Variants in NFX1 observed in about 807,000 individuals in gnomAD.
NFX1 encodes transcriptional repressor NF-X1.
A neutral mutation model predicts 137.2 loss-of-function variants in NFX1; 69 were observed. The ratio of observed to expected loss-of-function variants is 0.50; its 90% CI spans 0.41 to 0.61. The LOEUF (loss-of-function observed/expected upper bound fraction) is 0.61, where lower values mean the gene tolerates loss of function less well. Ranked by LOEUF, NFX1 falls within the 20% of genes least tolerant of loss-of-function variation. The pLI, the probability that NFX1 is intolerant of heterozygous loss-of-function variation, is 0.00. For missense variants in NFX1, 1,167 were observed against 1,391.0 expected (o/e 0.84, Z 2.56); for synonymous variants, 495 against 474.1 (o/e 1.04, Z -0.57).
intron 5 of NFX1, among the ~76,000 whole-genome samples, chr9:33,308,508 A>T (rs957195519): frequency 3.3e-5 from 5 of 152,228 alleles, no homozygotes; most frequent in Non-Finnish European, 5.9e-5. Context: ...AAAAATGCAC[A>T]GTAATAGAAA....
intron 15 of NFX1, chr9:33,347,718 T>TA: frequency 4.6e-6 from 2 of 436,596 alleles, no homozygotes; most frequent in Non-Finnish European, 9.2e-6. Flanking sequence ...ATGAAAAAGA[T>TA]ACCTGCACAC....
At chr9:33,338,040 C>T (rs1474967494) in intron 11 of NFX1, among the ~76,000 whole-genome samples, 1 of 150,058 alleles carries the variant, frequency 6.7e-6, no homozygotes, top group Non-Finnish European at 1.5e-5. Flanking sequence ...CAGAGTGAGA[C>T]CCTGTCTCAG....
chr9:33,338,379 A>G, intron 11 of NFX1, 131 bp from the exon 12 acceptor site: 1 of 830,302 alleles, frequency 1.2e-6, no homozygotes, highest in South Asian at 1.6e-5. Flanking sequence ...AACAAAAAAA[A>G]CTGCATTTAC....
In NFX1 at chr9:33,318,920, T is replaced by C; in HGVS notation, c.1699T>C (p.Cys567Arg). Residue 567 changes from cysteine (C) to arginine (R), a missense_variant, in exon 9 of 24, where the codon TGC becomes CGC. Physicochemically the swap from Cys to Arg is radical, Grantham distance 180 (BLOSUM62 -3). Coordinates refer to ENST00000379540, the MANE Select transcript of NFX1 (RefSeq NM_002504.6). Reference protein sequence around the residue: ...CLKICGKDLKCGNHTCSQVCH... With the variant: ...CLKICGKDLKRGNHTCSQVCH... ...GTGTTTTCTTAACAGGGACTTGAAA[T>C]GCGGTAACCATACATGTTCGCAAGT... 1 of 1,614,250 alleles carries C rather than the reference T, an allele frequency of 6.2e-7. No homozygotes were observed. Among genetic ancestry groups the C allele is most frequent in the Non-Finnish European group, 8.5e-7 (1 of 1,180,048 alleles).
intron 10 of NFX1, 39 bp from the exon 11 acceptor site, chr9:33,332,433 T>A (rs955088172): frequency 6.4e-7 from 1 of 1,562,962 alleles, no homozygotes; most frequent in Non-Finnish European, 8.8e-7. Flanking sequence ...ATTTTAGTTA[T>A]TCCTAAAGTA....
chr9:33,306,557 T>C (rs1332491605), intron 4 of NFX1, among the ~76,000 whole-genome samples: 1 of 152,168 alleles, frequency 6.6e-6, no homozygotes, highest in Non-Finnish European at 1.5e-5. Context: ...TGGGGATGGC[T>C]GCAATTTAGT....
At chr9:33,307,961 G>A (rs1444497150) in intron 5 of NFX1, among the ~76,000 whole-genome samples, 5 of 151,128 alleles carry the variant, frequency 3.3e-5, no homozygotes, top group Non-Finnish European at 7.4e-5. Flanking sequence ...GTGCCACCAC[G>A]CCTGGCTAAT....
intron 6 of NFX1, among the ~76,000 whole-genome samples, chr9:33,312,305 C>T (rs1030334392): frequency 6.6e-6 from 1 of 152,148 alleles, no homozygotes; most frequent in Non-Finnish European, 1.5e-5. Flanking sequence ...CTCACTGAAC[C>T]TCATTTTTCT....
chr9:33,368,291 G>A (rs1014561146), intron 23 of NFX1, among the ~76,000 whole-genome samples: 3 of 152,006 alleles, frequency 2.0e-5, no homozygotes, highest in Admixed American at 2.0e-4. Flanking sequence ...GGTGAGAATT[G>A]CCGGTGACGG....
In NFX1 at chr9:33,344,334, T is replaced by C. The variant is rs1055547363; in HGVS notation, c.2344+146T>C. On this transcript the variant is annotated intron_variant, in intron 14 of 23. Transcript: ENST00000379540. ...CAGGGGCTGGTTCTCTGAAGGTGGG[T>C]CTGTGATCTGGGCCACAGCTTGGAA... 7.0e-6 allele frequency: 8 copies of C among 1,135,642 alleles called. No homozygotes were observed. In the African/African-American group the frequency reaches 7.7e-5, roughly 11 times the overall value. The allele number at this position is 1,135,642 out of a possible 1,614,324, so 70.3% of individuals were successfully genotyped here. A position where few individuals can be genotyped will look rare whatever the true frequency, so the allele number is the denominator to read the frequency against.
intron 7 of NFX1, among the ~76,000 whole-genome samples, chr9:33,314,093 C>T (rs1368308811): frequency 2.0e-5 from 3 of 152,010 alleles, no homozygotes; most frequent in Non-Finnish European, 4.4e-5. Flanking sequence ...AAGCAATTCT[C>T]CTGTCTCAGC....
intron 5 of NFX1, among the ~76,000 whole-genome samples, chr9:33,307,667 G>A (rs529487425): frequency 3.9e-5 from 6 of 152,192 alleles, no homozygotes; most frequent in East Asian, 3.9e-4. Context: ...GTTTTATCCC[G>A]CATTGATATC....
intron 12 of NFX1, among the ~76,000 whole-genome samples, chr9:33,341,842 T>A (rs1426990444): frequency 6.6e-6 from 1 of 152,174 alleles, no homozygotes; most frequent in African/African-American, 2.4e-5. Context: ...TAAGGCTGGA[T>A]GCGGTGGCTC....
intron 6 of NFX1, among the ~76,000 whole-genome samples, chr9:33,313,301 A>T (rs1822031014): frequency 1.3e-5 from 2 of 152,280 alleles, no homozygotes; most frequent in East Asian, 1.9e-4. Context: ...GAAAGAAGAA[A>T]GAGTGGGCCG....
chr9:33,340,585 C>T (rs1823184962), intron 12 of NFX1, among the ~76,000 whole-genome samples: 2 of 152,218 alleles, frequency 1.3e-5, no homozygotes, highest in South Asian at 4.1e-4. Context: ...CTGCAGCCAG[C>T]TTGATTTTCT....
chr9:33,364,956 G>C, intron 21 of NFX1, 182 bp downstream of exon 21: 1 of 1,407,808 alleles, frequency 7.1e-7, no homozygotes, highest in South Asian at 1.5e-5. Flanking sequence ...GCCTGTCCTG[G>C]TTCAGGACAG....
rs1821310963 is a variant in NFX1, at chr9:33,295,233, C to G, written c.839C>G (p.Pro280Arg). The G allele has an allele frequency of 1.2e-6, 2 of 1,614,100 alleles. No individual in the cohort carries two copies. The highest frequency in any genetic ancestry group is 1.7e-6 in the Non-Finnish European group (2 of 1,180,026). ...GCAGGACACAGAAACAACATGGGCC[C>G]CATTCCAAAGGATGACCTCAATGAA... Reference protein sequence around the residue: ...TNAGHRNNMGPIPKDDLNERP... With the variant: ...TNAGHRNNMGRIPKDDLNERP... The change falls in exon 2 of 24, where the codon CCC becomes CGC. Residue 280 changes from proline to arginine, a missense_variant. Physicochemically the swap from Pro to Arg is moderately radical, Grantham distance 103 (BLOSUM62 -2). Transcript: ENST00000379540.
chr9:33,369,889 C>G lies in NFX1; in HGVS notation c.3291-17C>G, dbSNP rs1564155602. On this transcript the variant is annotated splice_polypyrimidine_tract_variant and intron_variant, in intron 23 of 23. Coordinates refer to ENST00000379540, the MANE Select transcript of NFX1 (RefSeq NM_002504.6). ...CCCAAAGAAGAAAAGACTGATCATT[C>G]TTTGTTTGTTTTTCAGGAATCCTGG... 3 of 1,602,558 alleles carry G rather than the reference C, an allele frequency of 1.9e-6. No homozygotes were observed. The highest frequency in any genetic ancestry group is 4.5e-5 in the East Asian group (2 of 44,824).
chr9:33,293,688 T>C (rs1821241358), intron 1 of NFX1, among the ~76,000 whole-genome samples: 1 of 152,210 alleles, frequency 6.6e-6, no homozygotes, highest in Non-Finnish European at 1.5e-5. Context: ...AGGGACTGAA[T>C]TGACTGTACC....
Sources: allele counts gnomAD v4.1 joint callset (sites outside exome capture counted in the v4.1 genomes callset), GRCh38; gene constraint gnomAD v4.1.1; transcripts MANE v1.5; gene names NCBI Gene and HGNC (gene_info 2026-07-23, HGNC 2026-07-21).